Variants in SMG1 observed in about 807,000 individuals in gnomAD.
SMG1 encodes the protein serine/threonine-protein kinase SMG1.
In SMG1, 22 loss-of-function variants were observed where a neutral mutation model predicts 419.9. That is an observed-to-expected ratio of 0.05 (90% confidence interval 0.04 to 0.07). The LOEUF (loss-of-function observed/expected upper bound fraction) is 0.07. SMG1 is among the 10% of genes least tolerant of loss of function. The pLI is 1.00. For synonymous variants in SMG1, 1,538 were observed against 1,553.5 expected (o/e 0.99, Z 0.23); for missense variants, 3,185 against 4,342.0 (o/e 0.73, Z 7.49).
At chr16:18,892,673 C>T (rs1449992781) in intron 3 of SMG1, among the ~76,000 whole-genome samples, 7 of 152,100 alleles carry the variant, frequency 4.6e-5, no homozygotes. Context: ...GCGGAGGTTG[C>T]AGTGAGCCAA....
chr16:18,842,506 T>C, intron 39 of SMG1, 52 bp from the exon 40 acceptor site: 1 of 1,559,394 alleles, frequency 6.4e-7, no homozygotes, highest in Non-Finnish European at 8.7e-7. Flanking sequence ...GAACACTTAT[T>C]TTCTTCCACA....
chr16:18,836,583 C>T (rs2141261660), intron 46 of SMG1, 51 bp from the exon 47 acceptor site: 1 of 1,585,824 alleles, frequency 6.3e-7, no homozygotes, highest in Non-Finnish European at 8.6e-7. Flanking sequence ...TGTTTTCTTC[C>T]ACATACTTTC....
Position 18,836,035 on chromosome 16 carries a change from G to A in SMG1, c.7955C>T (p.Pro2652Leu), listed in dbSNP as rs1212382395. 2.5e-6 allele frequency: 4 copies of A among 1,587,904 alleles called. No homozygotes were observed. Among genetic ancestry groups the A allele is most frequent in the African/African-American group, 2.7e-5 (2 of 74,364 alleles). The change falls in exon 48 of 63, where the codon CCG (proline) becomes CTG (leucine). Residue 2652 changes from proline (P) to leucine (L), a missense_variant. Physicochemically the swap from Pro to Leu is moderately conservative, Grantham distance 98 (BLOSUM62 -3). Around this residue, in one of 27 missense-constraint regions of SMG1, gnomAD observed 412 missense variants for 546.6 expected, o/e 0.75. Coordinates refer to ENST00000446231, the MANE Select transcript of SMG1 (RefSeq NM_015092.5). ...TCGATGTTTCTGAAATATGGCCTTC[G>A]GATACTGCAGGGCCACGGTTGCATA... is the stretch of plus-strand genomic sequence containing the variant. ...HHYATVALQY[P>L]KAIFQKHRIE...
At chr16:18,901,969 T>C (rs950085237) in intron 1 of SMG1, among the ~76,000 whole-genome samples, 1 of 36,132 alleles carries the variant, frequency 2.8e-5, no homozygotes, top group Non-Finnish European at 5.7e-5. Context: ...GGGGTGGCGG[T>C]GGGGGGAAGG....
chr16:18,838,327 C>T (rs201284063), intron 44 of SMG1, 30 bp downstream of exon 44: 3 of 1,605,344 alleles, frequency 1.9e-6, no homozygotes, highest in African/African-American at 1.3e-5. Context: ...TTAACAAATA[C>T]ACTAAAAGGG....
intron 3 of SMG1, among the ~76,000 whole-genome samples, chr16:18,895,261 T>C (rs1403530441): frequency 6.6e-6 from 1 of 151,890 alleles, no homozygotes; most frequent in African/African-American, 2.4e-5. Context: ...GCGTGATCAC[T>C]TGAGGTCAGG....
intron 56 of SMG1, among the ~76,000 whole-genome samples, chr16:18,818,000 C>T (rs2032166756): frequency 6.6e-6 from 1 of 151,340 alleles, no homozygotes; most frequent in Non-Finnish European, 1.5e-5. Flanking sequence ...CTCCTGGGCT[C>T]AAGCAATCCT....
chr16:18,820,903 A>C (rs1199443773), intron 55 of SMG1, among the ~76,000 whole-genome samples: 1 of 152,222 alleles, frequency 6.6e-6, no homozygotes, highest in Non-Finnish European at 1.5e-5. Flanking sequence ...AAAGATACAC[A>C]TAACTTTCAT....
chr16:18,837,677 G>A (rs552662819), intron 45 of SMG1, among the ~76,000 whole-genome samples: 1 of 152,258 alleles, frequency 6.6e-6, no homozygotes, highest in South Asian at 2.1e-4. Flanking sequence ...CCCAGAACAA[G>A]ACTGGCATCC....
Position 18,832,945 on chromosome 16 carries a change from A to G in SMG1, c.8787T>C (p.Val2929=). 6.2e-7 allele frequency: 1 copy of G among 1,613,684 alleles called. No individual in the cohort carries two copies. The highest frequency in any genetic ancestry group is 8.5e-7 in the Non-Finnish European group (1 of 1,179,626). The change falls in exon 51 of 63, where the codon GTT becomes GTC. Residue 2929 remains valine (V), a synonymous_variant. Transcript: ENST00000446231. ...EEETHAHYID[V]ARLLHAQYGE... is the part of the protein sequence containing the mutation. ...CACAGCCAGCATTCACTTGCCTGGCAACATCGATGTAATGAGCATGTGTTT... is the reference window on the plus strand; with the variant it reads ...CACAGCCAGCATTCACTTGCCTGGCGACATCGATGTAATGAGCATGTGTTT...
At chr16:18,847,253 T>C (rs2034320138) in intron 38 of SMG1, among the ~76,000 whole-genome samples, 200 bp downstream of exon 38, 1 of 152,176 alleles carries the variant, frequency 6.6e-6, no homozygotes, top group Non-Finnish European at 1.5e-5. Flanking sequence ...AGATAATTTT[T>C]AATGAGTACA....
chr16:18,917,990 G>C (rs1596662274), intron 1 of SMG1, among the ~76,000 whole-genome samples: 2 of 151,878 alleles, frequency 1.3e-5, no homozygotes, highest in African/African-American at 4.8e-5. Flanking sequence ...GGCCAGGGTG[G>C]TGGCTCACGC....
chr16:18,837,176 T>C, intron 46 of SMG1, 77 bp downstream of exon 46: 2 of 1,240,746 alleles, frequency 1.6e-6, no homozygotes, highest in Non-Finnish European at 2.2e-6. Flanking sequence ...ATAATTCTAA[T>C]CCATATTGAT....
At chr16:18,849,069 C>CAAAAAAAAAAAAAAAAAAAAAAAAAAAA (rs58373081) in intron 36 of SMG1, 148 bp downstream of exon 36, 1 of 110,712 alleles carries the variant, frequency 9.0e-6, no homozygotes, top group Admixed American at 1.6e-4. Context: ...GACTCCATCT[C>CAAAAAAAAAAAAAAAAAAAAAAAAAAAA]AAAAAAAAAA....
chr16:18,896,665 C>T (rs1244782326), intron 2 of SMG1, 128 bp downstream of exon 2: 47 of 637,964 alleles, frequency 7.4e-5, no homozygotes, highest in Non-Finnish European at 1.1e-4. Context: ...TCAGAAATAA[C>T]ACTGCATTTG....
rs1241195281 is a variant in SMG1, at chr16:18,912,250, CTT to C, written c.92+13698_92+13699del. On this transcript the variant is annotated intron_variant, in intron 1 of 62. Transcript: ENST00000446231. ...CACATAGGAGAATAGTTTTTGAAAT[CTT>C]TGCACAACAGGGTGGCTATAGTAAA... 2.0e-5 allele frequency among the ~76,000 whole-genome samples: 3 copies of C among 149,650 alleles called. No individual in the cohort carries two copies. In the East Asian group the frequency reaches 5.9e-4, roughly 30 times the overall value.
Position 18,815,211 on chromosome 16 carries a change from T to G in SMG1, c.10585A>C (p.Thr3529Pro), listed in dbSNP as rs756567515. The change falls in exon 60 of 63, where the codon ACG becomes CCG. Residue 3529 changes from threonine (T) to proline (P), a missense_variant. Transcript: ENST00000446231. ...GATGGCTGATAAGTAGCAGATGACG[T>G]TGGACTCGAACATTCATTTGTTGCA... Reference protein sequence around the residue: ...TDATNECSSPTSSATYQPSFA... With the variant: ...TDATNECSSPPSSATYQPSFA... 1.9e-6 allele frequency: 3 copies of G among 1,596,326 alleles called. No individual in the cohort carries two copies. The highest frequency in any genetic ancestry group is 1.7e-4 in the Middle Eastern group (1 of 6,048).
At position 18,863,741 on chromosome 16, in the gene SMG1, C is replaced by T; in HGVS notation, c.3604G>A (p.Ala1202Thr). 3.8e-6 allele frequency: 6 copies of T among 1,584,784 alleles called. No homozygotes were observed. The highest frequency in any genetic ancestry group is 1.1e-5 in the South Asian group (1 of 90,728). The change falls in exon 25 of 63, where the codon GCT (alanine) becomes ACT (threonine). Residue 1202 changes from alanine (A) to threonine (T), a missense_variant. Ala to Thr is a moderately conservative substitution (Grantham distance 58, BLOSUM62 0). Transcript: ENST00000446231. ...ECYISIADWAAVQEWQNAIHD... is the reference protein window; with the variant it reads ...ECYISIADWATVQEWQNAIHD... Reference sequence around the variant, plus strand: ...ATAGCGTTCTGCCATTCCTGCACAGCAGCCCAATCGGCAATTGAGATGTAG... The same window carrying T: ...ATAGCGTTCTGCCATTCCTGCACAGTAGCCCAATCGGCAATTGAGATGTAG...
intron 10 of SMG1, among the ~76,000 whole-genome samples, chr16:18,880,416 A>G (rs1045755957): frequency 5.9e-5 from 9 of 152,210 alleles, no homozygotes; most frequent in Non-Finnish European, 8.8e-5. Context: ...AGTTTTCATT[A>G]AAAGTATCCT....
Sources: gnomAD v4.1 joint callset for allele counts (sites outside exome capture counted in the v4.1 genomes callset) on GRCh38, gnomAD v4.1.1 for gene constraint, gnomAD v4.1.1 regional missense constraint, MANE v1.5 for transcripts, NCBI Gene and HGNC (gene_info 2026-07-23, HGNC 2026-07-21) for gene names.